Variants in GSE1 observed in about 807,000 individuals in gnomAD.
The protein encoded by GSE1 is genetic suppressor element 1.
In GSE1, 32 loss-of-function variants were observed where a neutral mutation model predicts 112.6. That is an observed-to-expected ratio of 0.28 (90% CI 0.21 to 0.38). The LOEUF (loss-of-function observed/expected upper bound fraction) is 0.38, where lower values mean the gene tolerates loss of function less well. Ranked by LOEUF, GSE1 falls within the 10% of genes least tolerant of loss-of-function variation. The pLI, the probability that GSE1 is intolerant of heterozygous loss-of-function variation, is 1.00. For synonymous variants in GSE1, 1,115 were observed against 735.6 expected, an observed-to-expected ratio of 1.52 and a Z score of -8.35; for missense variants, 2,348 against 1,699.2, an observed-to-expected ratio of 1.38 and a Z score of -6.71.
chr16:85,493,261 G>A (rs2051066652), intron 2 of GSE1, among the ~76,000 whole-genome samples: 1 of 151,970 alleles, frequency 6.6e-6, no homozygotes, highest in Admixed American at 6.5e-5. Context: ...ACCAGCCTGA[G>A]TGACATAGTG....
At chr16:85,566,306 C>G (rs529457199) in intron 1 of GSE1, among the ~76,000 whole-genome samples, 1 of 152,330 alleles carries the variant, frequency 6.6e-6, no homozygotes, top group African/African-American at 2.4e-5. Context: ...CTTTGAGAAG[C>G]CCAGACTCCT....
intron 1 of GSE1, among the ~76,000 whole-genome samples, chr16:85,331,192 A>ACCC (rs915667304): frequency 6.7e-6 from 1 of 150,078 alleles, no homozygotes; most frequent in Non-Finnish European, 1.5e-5. Context: ...TCACTGTGTC[A>ACCC]CCCAGGCTGT....
At chr16:85,177,908 G>A (rs1217310956) in intron 1 of GSE1, among the ~76,000 whole-genome samples, 1 of 152,170 alleles carries the variant, frequency 6.6e-6, no homozygotes, top group Non-Finnish European at 1.5e-5. Flanking sequence ...CCGTCCCTGT[G>A]TGAGCCTCTA....
At chr16:85,257,640 G>A (rs970373942) in intron 1 of GSE1, among the ~76,000 whole-genome samples, 6 of 152,284 alleles carry the variant, frequency 3.9e-5, no homozygotes, top group Non-Finnish European at 8.8e-5. Flanking sequence ...TGAGACCCCC[G>A]TTTCTACAAA....
At chr16:85,387,170 C>T (rs1597567098) in intron 2 of GSE1, among the ~76,000 whole-genome samples, 1 of 152,190 alleles carries the variant, frequency 6.6e-6, no homozygotes, top group African/African-American at 2.4e-5. Flanking sequence ...GCACAGGGTG[C>T]TGTGCACAAC....
At chr16:85,231,479 A>G (rs1904286291) in intron 1 of GSE1, among the ~76,000 whole-genome samples, 4 of 150,514 alleles carry the variant, frequency 2.7e-5, no homozygotes, top group African/African-American at 9.8e-5. Flanking sequence ...TGGATGGATG[A>G]ATAGATGGAT....
intron 2 of GSE1, among the ~76,000 whole-genome samples, chr16:85,531,363 G>T (rs2044129527): frequency 6.6e-6 from 1 of 152,180 alleles, no homozygotes; most frequent in South Asian, 2.1e-4. Flanking sequence ...GTCGTCCAGG[G>T]CCGCTGACCC....
At chr16:85,368,894 G>T (rs1032677749) in intron 2 of GSE1, among the ~76,000 whole-genome samples, 3 of 152,118 alleles carry the variant, frequency 2.0e-5, no homozygotes, top group African/African-American at 4.8e-5. Flanking sequence ...CTCTGGGAGG[G>T]CTGCGGGCTC....
chr16:85,513,837 T>A (rs904864179), intron 2 of GSE1, among the ~76,000 whole-genome samples: 1 of 151,868 alleles, frequency 6.6e-6, no homozygotes, highest in Admixed American at 6.5e-5. Flanking sequence ...CCTTCAAACA[T>A]CAGAATCCCC....
chr16:85,327,899 A>G (rs1410669291), intron 1 of GSE1, among the ~76,000 whole-genome samples: 1 of 152,146 alleles, frequency 6.6e-6, no homozygotes, highest in Admixed American at 6.5e-5. Flanking sequence ...TTCCTCCTTG[A>G]TACCACATTC....
intron 3 of GSE1, among the ~76,000 whole-genome samples, chr16:85,653,765 C>G (rs1455878926): frequency 6.6e-6 from 1 of 152,184 alleles, no homozygotes; most frequent in South Asian, 2.1e-4. Context: ...CTTCCTTTGC[C>G]CCTGCCCTCC....
intron 2 of GSE1, among the ~76,000 whole-genome samples, chr16:85,461,684 C>G (rs1393248499): frequency 6.6e-6 from 1 of 152,188 alleles, no homozygotes; most frequent in South Asian, 2.1e-4. Context: ...CTGGAATTCT[C>G]AGGCTGCAGT....
intron 1 of GSE1, among the ~76,000 whole-genome samples, chr16:85,568,142 ACAT>A (rs1486924240): frequency 6.6e-6 from 1 of 152,218 alleles, no homozygotes; most frequent in African/African-American, 2.4e-5. Context: ...CCACCCACCC[ACAT>A]CCTCTGTGAA....
At chr16:85,535,240 G>C (rs1343636302) in intron 2 of GSE1, among the ~76,000 whole-genome samples, 2 of 152,256 alleles carry the variant, frequency 1.3e-5, no homozygotes, top group Non-Finnish European at 2.9e-5. Context: ...ACGGTGCCGA[G>C]ATGGTGGAGC....
intron 2 of GSE1, among the ~76,000 whole-genome samples, chr16:85,637,513 G>T (rs1197013362): frequency 6.6e-6 from 1 of 152,064 alleles, no homozygotes; most frequent in Non-Finnish European, 1.5e-5. Flanking sequence ...CTTGATCGCG[G>T]CAGTGGCTAT....
chr16:85,316,059 G>A (rs1048768139), intron 1 of GSE1, among the ~76,000 whole-genome samples: 7 of 152,212 alleles, frequency 4.6e-5, no homozygotes, highest in South Asian at 2.1e-4. Flanking sequence ...CCCGATGGAC[G>A]GCAGAGGCCA....
Position 85,544,516 on chromosome 16 carries a change from G to A in GSE1, c.2465-89398G>A, listed in dbSNP as rs555696479. 2.0e-5 allele frequency among the ~76,000 whole-genome samples: 3 copies of A among 152,324 alleles called. No homozygotes were observed. The South Asian group carries it at 6.2e-4, about 32-fold the overall frequency. Reference sequence around the variant, plus strand: ...CTCCAGATTTCTTTGCAAGGTAAAGGCAGAGAAGGACACAGAGGGCCCTCG... The same window carrying A: ...CTCCAGATTTCTTTGCAAGGTAAAGACAGAGAAGGACACAGAGGGCCCTCG... On this transcript the variant is annotated intron_variant, in intron 2 of 2. Coordinates refer to the GSE1 transcript ENST00000637419.
chr16:85,603,564 G>A (rs1391108199), intron 1 of GSE1, among the ~76,000 whole-genome samples: 3 of 152,162 alleles, frequency 2.0e-5, no homozygotes, highest in Non-Finnish European at 2.9e-5. Flanking sequence ...GCAGTGGTGC[G>A]GTCATGGCTC....
intron 1 of GSE1, among the ~76,000 whole-genome samples, chr16:85,314,415 T>A (rs996944041): frequency 6.6e-6 from 1 of 152,124 alleles, no homozygotes; most frequent in Non-Finnish European, 1.5e-5. Context: ...CAGCCCAGCA[T>A]CTGTGTGGGG....
Sources: gnomAD v4.1 joint callset for allele counts (sites outside exome capture counted in the v4.1 genomes callset) on GRCh38, gnomAD v4.1.1 for gene constraint, MANE v1.5 for transcripts, NCBI Gene and HGNC (gene_info 2026-07-23, HGNC 2026-07-21) for gene names.